The following UNC93A variants were observed in gnomAD, a reference collection of about 807,000 sequenced individuals.
The protein encoded by UNC93A is unc-93 homolog A.
In UNC93A, 43 loss-of-function variants were observed where a neutral mutation model predicts 47.5. That is an observed-to-expected ratio of 0.91 (90% CI 0.71 to 1.17). The LOEUF (loss-of-function observed/expected upper bound fraction) is 1.17. UNC93A is among the 50% of genes most tolerant of loss of function. UNC93A has a pLI of 0.00. For synonymous variants in UNC93A, 280 were observed against 258.0 expected, an observed-to-expected ratio of 1.09 and a Z score of -0.82; for missense variants, 605 against 577.6, an observed-to-expected ratio of 1.05 and a Z score of -0.49.
chr6:167,315,211 A>G lies in UNC93A; in HGVS notation c.1133A>G (p.Lys378Arg). Residue 378 changes from lysine to arginine, a missense_variant, in exon 8 of 8, where the codon AAG becomes AGG. Coordinates refer to ENST00000230256, the MANE Select transcript of UNC93A (RefSeq NM_018974.4). ...GCTCTCTACGGCGTTCTGTTTGAGAAGAGCAAGGAAGCTGCCTTCGCCAAT... is the reference window on the plus strand; with the variant it reads ...GCTCTCTACGGCGTTCTGTTTGAGAGGAGCAAGGAAGCTGCCTTCGCCAAT... ...NNALYGVLFE[K>R]SKEAAFANYR... 1 of 1,613,696 alleles carries G rather than the reference A, an allele frequency of 6.2e-7. No homozygotes were observed. Among genetic ancestry groups the G allele is most frequent in the Non-Finnish European group, 8.5e-7 (1 of 1,179,870 alleles).
chr6:167,291,069 G>C (rs917583385), upstream of UNC93A, among the ~76,000 whole-genome samples: 2 of 152,104 alleles, frequency 1.3e-5, no homozygotes, highest in African/African-American at 4.8e-5. Flanking sequence ...CTGCACCACT[G>C]ACAACTTCTG....
intron 1 of UNC93A, among the ~76,000 whole-genome samples, chr6:167,292,026 A>T (rs540106951): frequency 1.3e-5 from 2 of 152,248 alleles, no homozygotes; most frequent in East Asian, 1.9e-4. Context: ...TGACAACATG[A>T]TCTCTCTATA....
Position 167,296,211 on chromosome 6 carries a change from T to C in UNC93A, c.449T>C (p.Val150Ala), listed in dbSNP as rs1445701731. The C allele has an allele frequency of 3.1e-6, 5 of 1,614,208 alleles. No homozygotes were observed. The highest frequency in any genetic ancestry group is 1.1e-5 in the South Asian group (1 of 91,084). Reference protein sequence around the residue: ...IFFLIFQSSGVWGNLISSLVF... With the variant: ...IFFLIFQSSGAWGNLISSLVF... ...TTCCTCATATTCCAGTCATCCGGTG[T>C]GTGGGGCAACTTGATCTCATCGCTG... The change falls in exon 3 of 8, where the codon GTG becomes GCG. Residue 150 changes from valine (V) to alanine (A), a missense_variant. Transcript: ENST00000230256.
intron 1 of UNC93A, among the ~76,000 whole-genome samples, chr6:167,283,181 C>T (rs1783661508): frequency 3.9e-5 from 6 of 152,116 alleles, no homozygotes; most frequent in Admixed American, 3.9e-4. Flanking sequence ...CTTTGCAGGG[C>T]CATTTCAAAA....
chr6:167,314,486 G>A (rs1224098780), intron 7 of UNC93A, among the ~76,000 whole-genome samples: 1 of 152,146 alleles, frequency 6.6e-6, no homozygotes, highest in Non-Finnish European at 1.5e-5. Context: ...GGGTTTTCCT[G>A]GGTCTCTGTG....
At chr6:167,303,702 G>C (rs1778303037) in intron 4 of UNC93A, among the ~76,000 whole-genome samples, 1 of 152,076 alleles carries the variant, frequency 6.6e-6, no homozygotes, top group Non-Finnish European at 1.5e-5. Context: ...GGTTTCATGT[G>C]AAAGCCGGTA....
Position 167,299,133 on chromosome 6 carries a change from C to T in UNC93A, c.625+1063C>T, listed in dbSNP as rs2346119. Among the ~76,000 whole-genome samples, 840 of 119,122 alleles carry T rather than the reference C, an allele frequency of 7.1e-3. 10 individuals carry two copies. The highest frequency in any genetic ancestry group is 0.029 in the African/African-American group (787 of 26,938). The allele number at this position is 119,122 out of a possible 152,430, so 78.1% of individuals were successfully genotyped here. A position where few individuals can be genotyped will look rare whatever the true frequency, so the allele number is the denominator to read the frequency against. The stretch of plus-strand genomic sequence containing the variant: ...ACTCCATCTCAAAAAAAAAAAAATA[C>T]ACACACACACACACACACATATTTA... On this transcript the variant is annotated intron_variant, in intron 4 of 7. Coordinates refer to ENST00000230256, the MANE Select transcript of UNC93A (RefSeq NM_018974.4).
chr6:167,299,076 C>A (rs867135535), intron 4 of UNC93A, among the ~76,000 whole-genome samples: 5 of 149,020 alleles, frequency 3.4e-5, no homozygotes, highest in Non-Finnish European at 5.9e-5. Flanking sequence ...CAAGATCGCG[C>A]TGCTGCACTC....
chr6:167,308,685 C>T (rs1320340617), intron 7 of UNC93A, among the ~76,000 whole-genome samples: 1 of 151,566 alleles, frequency 6.6e-6, no homozygotes, highest in Non-Finnish European at 1.5e-5. Context: ...AGTCGGGTCC[C>T]CAAGTGTGGG....
At chr6:167,309,809 G>A (rs989878036) in intron 7 of UNC93A, among the ~76,000 whole-genome samples, 14 of 152,136 alleles carry the variant, frequency 9.2e-5, no homozygotes, top group Admixed American at 2.0e-4. Context: ...TTAAGGAGCC[G>A]TGTTTCACAG....
chr6:167,285,260 G>T (rs904601487), intron 1 of UNC93A, among the ~76,000 whole-genome samples: 1 of 151,940 alleles, frequency 6.6e-6, no homozygotes, highest in Non-Finnish European at 1.5e-5. Context: ...GGCCCTGGCT[G>T]GCATTTGTCA....
chr6:167,288,480 A>G (rs1583068279), upstream of UNC93A, among the ~76,000 whole-genome samples: 5 of 128,774 alleles, frequency 3.9e-5, no homozygotes, highest in African/African-American at 1.4e-4. Flanking sequence ...ACACACACAC[A>G]CACACACAGC....
At chr6:167,278,980 G>A (rs1249308956) in intron 1 of UNC93A, among the ~76,000 whole-genome samples, 4 of 152,332 alleles carry the variant, frequency 2.6e-5, no homozygotes, top group African/African-American at 4.8e-5. Flanking sequence ...TAACTTTGAC[G>A]AAAATCTTTT....
rs775029585 is a variant in UNC93A, at chr6:167,303,957, C to T, written c.664C>T (p.Leu222Phe). 3 of 1,613,464 alleles carry T rather than the reference C, an allele frequency of 1.9e-6. No homozygotes were observed. In the East Asian group the frequency reaches 6.7e-5, roughly 36 times the overall value. The change falls in exon 5 of 8, where the codon CTC becomes TTC. Residue 222 changes from leucine to phenylalanine, a missense_variant. By Grantham distance (22) the Leu-to-Phe change is conservative (BLOSUM62 0). Transcript: ENST00000230256. ...GGCTGTCCTGATGATAGCTGCGTTCCTCCAACCCATACGAGATGTTCAGCG... is the reference window on the plus strand; with the variant it reads ...GGCTGTCCTGATGATAGCTGCGTTCTTCCAACCCATACGAGATGTTCAGCG... The part of the protein sequence containing the change: ...VLAVLMIAAF[L>F]QPIRDVQRES...
intron 4 of UNC93A, among the ~76,000 whole-genome samples, chr6:167,299,961 A>G (rs545786354): frequency 1.8e-4 from 28 of 152,310 alleles, no homozygotes; most frequent in Middle Eastern, 3.4e-3. Context: ...CCCACTGAGG[A>G]CGGAGTGCTG....
intron 5 of UNC93A, among the ~76,000 whole-genome samples, chr6:167,305,403 G>A (rs13202254): frequency 0.18 from 27,681 of 152,090 alleles, 2,643 homozygotes; most frequent in South Asian, 0.29. Context: ...TGGTCTTCTC[G>A]TCTCAGTCCC....
At chr6:167,276,059 C>CTTTTTTTTTT (rs112367150) in intron 1 of UNC93A, among the ~76,000 whole-genome samples, 1 of 132,346 alleles carries the variant, frequency 7.6e-6, no homozygotes, top group Non-Finnish European at 1.6e-5. Flanking sequence ...TTTTTCTTTT[C>CTTTTTTTTTT]TTTTCTTTTT....
intron 5 of UNC93A, 52 bp downstream of exon 5, chr6:167,304,185 C>G (rs1456463299): frequency 6.3e-7 from 1 of 1,597,076 alleles, no homozygotes; most frequent in African/African-American, 1.3e-5. Context: ...GCATCACTGC[C>G]TTGCCTGTGT....
intron 7 of UNC93A, among the ~76,000 whole-genome samples, chr6:167,314,736 T>C (rs1313706725): frequency 6.6e-6 from 1 of 152,168 alleles, no homozygotes; most frequent in Non-Finnish European, 1.5e-5. Context: ...TTGTCTCTTA[T>C]CTACCCGTGA....
Sources: allele counts gnomAD v4.1 joint callset (sites outside exome capture counted in the v4.1 genomes callset), GRCh38; gene constraint gnomAD v4.1.1; transcripts MANE v1.5; gene names NCBI Gene and HGNC (gene_info 2026-07-23, HGNC 2026-07-21).